Variants in HS6ST3 observed in about 807,000 individuals in gnomAD.
HS6ST3 encodes heparan-sulfate 6-O-sulfotransferase 3.
HS6ST3 carries 12 observed loss-of-function variants against 36.7 expected under a neutral mutation model. The ratio of observed to expected loss-of-function variants is 0.33; its 90% CI spans 0.21 to 0.53. The LOEUF is 0.53. Among genes scored for constraint, HS6ST3 ranks in the 20% least tolerant of loss-of-function variants. The pLI is 0.95. For synonymous variants in HS6ST3, 240 were observed against 257.5 expected, an observed-to-expected ratio of 0.93 and a Z score of 0.65; for missense variants, 584 against 640.9, an observed-to-expected ratio of 0.91 and a Z score of 0.96.
chr13:96,619,573 G>T (rs1388580319), intron 1 of HS6ST3, among the ~76,000 whole-genome samples: 1 of 152,198 alleles, frequency 6.6e-6, no homozygotes, highest in African/African-American at 2.4e-5. Flanking sequence ...GCACTGAGGT[G>T]CAGTGTATGT....
At chr13:96,337,363 C>G (rs768649044) in intron 1 of HS6ST3, among the ~76,000 whole-genome samples, 6 of 152,242 alleles carry the variant, frequency 3.9e-5, no homozygotes, top group Non-Finnish European at 8.8e-5. Flanking sequence ...GCGTGAGCCA[C>G]CGCGCCCAGC....
intron 1 of HS6ST3, among the ~76,000 whole-genome samples, chr13:96,575,204 G>A (rs1247932301): frequency 2.6e-5 from 4 of 152,018 alleles, no homozygotes; most frequent in African/African-American, 4.8e-5. Context: ...TTCCTGCACC[G>A]AGCCTCCTGA....
chr13:96,178,313 C>T (rs980983747), intron 1 of HS6ST3, among the ~76,000 whole-genome samples: 4 of 152,060 alleles, frequency 2.6e-5, no homozygotes, highest in African/African-American at 7.2e-5. Context: ...ATTTCTTTGG[C>T]GATTCAGTGG....
At chr13:96,129,718 C>T (rs2053967299) in intron 1 of HS6ST3, among the ~76,000 whole-genome samples, 1 of 152,184 alleles carries the variant, frequency 6.6e-6, no homozygotes, top group Non-Finnish European at 1.5e-5. Flanking sequence ...TATTTGAAGA[C>T]AGAGTCTTTA....
At chr13:96,651,272 A>T (rs1021146487) in intron 1 of HS6ST3, among the ~76,000 whole-genome samples, 6 of 151,964 alleles carry the variant, frequency 3.9e-5, no homozygotes, top group African/African-American at 1.4e-4. Context: ...TCCTTTCCTA[A>T]TATCATCCTC....
intron 1 of HS6ST3, among the ~76,000 whole-genome samples, chr13:96,225,087 C>T (rs918116523): frequency 1.3e-5 from 2 of 152,112 alleles, no homozygotes; most frequent in East Asian, 1.9e-4. Flanking sequence ...CTTCAAGCAT[C>T]GTAAGTATTT....
chr13:96,741,993 C>T (rs1242317617), intron 1 of HS6ST3, among the ~76,000 whole-genome samples: 4 of 152,094 alleles, frequency 2.6e-5, no homozygotes, highest in Admixed American at 2.0e-4. Flanking sequence ...ACAAAACATC[C>T]CCTGTCTCTG....
At chr13:96,674,949 G>C (rs1367438294) in intron 1 of HS6ST3, among the ~76,000 whole-genome samples, 1 of 152,144 alleles carries the variant, frequency 6.6e-6, no homozygotes, top group Non-Finnish European at 1.5e-5. Flanking sequence ...TTCAGGAGGA[G>C]AGATAAATGC....
chr13:96,739,025 A>G (rs1876363019), intron 1 of HS6ST3, among the ~76,000 whole-genome samples: 1 of 152,170 alleles, frequency 6.6e-6, no homozygotes, highest in Non-Finnish European at 1.5e-5. Context: ...AGCAGCATTA[A>G]ACGCAACTGT....
chr13:96,465,656 A>T (rs74106468), intron 1 of HS6ST3, among the ~76,000 whole-genome samples: 3,019 of 152,222 alleles, frequency 0.02, 108 homozygotes, highest in African/African-American at 0.066. Flanking sequence ...TGGAGCAAAA[A>T]AGAGAGTCTG....
At chr13:96,599,999 T>C (rs2056415657) in intron 1 of HS6ST3, among the ~76,000 whole-genome samples, 1 of 152,126 alleles carries the variant, frequency 6.6e-6, no homozygotes, top group African/African-American at 2.4e-5. Flanking sequence ...GAGAAGATAC[T>C]TGATATAATT....
At position 96,561,174 on chromosome 13, in the gene HS6ST3, T is replaced by G. The variant is rs1231513815; in HGVS notation, c.708-271316T>G. ...AGTAAGCAAAACAGCATGGTACTGA[T>G]ATAAAAACAGACATATAGACAAATG... On this transcript the variant is annotated intron_variant, in intron 1 of 1. Coordinates refer to ENST00000376705, the MANE Select transcript of HS6ST3 (RefSeq NM_153456.4). Among the ~76,000 whole-genome samples the G allele has an allele frequency of 3.3e-5, 5 of 152,054 alleles. No homozygotes were observed. The East Asian group carries it at 9.6e-4, about 29-fold the overall frequency.
At chr13:96,144,632 T>A (rs1213892639) in intron 1 of HS6ST3, among the ~76,000 whole-genome samples, 2 of 151,672 alleles carry the variant, frequency 1.3e-5, no homozygotes, top group African/African-American at 2.4e-5. Flanking sequence ...TATTTTATTT[T>A]ATTTAATTAA....
chr13:96,545,547 G>A (rs781192928), intron 1 of HS6ST3, among the ~76,000 whole-genome samples: 12 of 152,138 alleles, frequency 7.9e-5, no homozygotes, highest in Non-Finnish European at 1.5e-4. Context: ...AGACTTAAGC[G>A]TAGTAAGTAT....
intron 1 of HS6ST3, among the ~76,000 whole-genome samples, chr13:96,486,299 A>G (rs547758781): frequency 2.6e-5 from 4 of 152,106 alleles, no homozygotes; most frequent in Admixed American, 2.0e-4. Context: ...AGTCTTTGCT[A>G]TTGTGAATAG....
chr13:96,496,860 G>T (rs1337679026), intron 1 of HS6ST3, among the ~76,000 whole-genome samples: 2 of 152,266 alleles, frequency 1.3e-5, no homozygotes, highest in South Asian at 2.1e-4. Flanking sequence ...AGAGGTCCTT[G>T]TCAGTGGGGA....
At chr13:96,120,401 T>C (rs575995457) in intron 1 of HS6ST3, among the ~76,000 whole-genome samples, 2 of 152,358 alleles carry the variant, frequency 1.3e-5, no homozygotes, top group African/African-American at 2.4e-5. Context: ...TTGACTATTT[T>C]AAGGCAAGAA....
At chr13:96,490,202 T>G (rs1420289263) in intron 1 of HS6ST3, among the ~76,000 whole-genome samples, 1 of 152,304 alleles carries the variant, frequency 6.6e-6, no homozygotes, top group Middle Eastern at 3.4e-3. Context: ...AGTTTAATTC[T>G]ATAGGAAAGC....
At chr13:96,180,564 A>C (rs2139339743) in intron 1 of HS6ST3, among the ~76,000 whole-genome samples, 1 of 152,366 alleles carries the variant, frequency 6.6e-6, no homozygotes, top group South Asian at 2.1e-4. Flanking sequence ...TGATATCAAA[A>C]GAATCTTGCA....
Sources: gnomAD v4.1 joint callset for allele counts (sites outside exome capture counted in the v4.1 genomes callset) on GRCh38, gnomAD v4.1.1 for gene constraint, MANE v1.5 for transcripts, NCBI Gene and HGNC (gene_info 2026-07-23, HGNC 2026-07-21) for gene names.